Variants in WWOX observed in about 807,000 individuals in gnomAD.
The protein encoded by WWOX is WW domain-containing oxidoreductase.
A neutral mutation model predicts 46.2 loss-of-function variants in WWOX; 69 were observed. That is an observed-to-expected ratio of 1.49 (90% CI 1.23 to 1.82). The LOEUF (loss-of-function observed/expected upper bound fraction) is 1.82, where lower values mean the gene tolerates loss of function less well. Among genes scored for constraint, WWOX ranks in the 40% most tolerant of loss-of-function variants. WWOX has a pLI of 0.00. For synonymous variants in WWOX, 359 were observed against 202.6 expected (o/e 1.77, Z -6.56); for missense variants, 919 against 542.6 (o/e 1.69, Z -6.89).
At chr16:78,440,659 C>T (rs923223356) in intron 8 of WWOX, among the ~76,000 whole-genome samples, 2 of 151,032 alleles carry the variant, frequency 1.3e-5, no homozygotes, top group African/African-American at 2.5e-5. Flanking sequence ...CTCCGTTGCC[C>T]GGATTGGAGT....
chr16:78,756,531 A>G (rs954073752), intron 8 of WWOX, among the ~76,000 whole-genome samples: 5 of 152,178 alleles, frequency 3.3e-5, no homozygotes, highest in African/African-American at 1.2e-4. Context: ...AAACACGAGA[A>G]AAGTTGGAAG....
intron 8 of WWOX, among the ~76,000 whole-genome samples, chr16:78,633,507 G>A (rs376693947): frequency 4.6e-5 from 7 of 152,288 alleles, no homozygotes; most frequent in Middle Eastern, 3.4e-3. Context: ...GGTCCTGCCC[G>A]TGTTCTCTAG....
chr16:78,697,745 G>T (rs893764973), intron 8 of WWOX, among the ~76,000 whole-genome samples: 1 of 152,154 alleles, frequency 6.6e-6, no homozygotes, highest in Non-Finnish European at 1.5e-5. Context: ...AGTAGGTTAG[G>T]TGTGTTAAAT....
intron 8 of WWOX, among the ~76,000 whole-genome samples, chr16:79,037,920 C>T (rs1440728819): frequency 2.0e-5 from 3 of 152,088 alleles, no homozygotes; most frequent in Admixed American, 1.3e-4. Flanking sequence ...GCTTTCCATC[C>T]GAGAAAAGCA....
rs16948335 is a variant in WWOX at position 78,691,361 on chromosome 16, G to C, written c.1056+258609G>C. On this transcript the variant is annotated intron_variant, in intron 8 of 8. Coordinates refer to ENST00000566780, the MANE Select transcript of WWOX (RefSeq NM_016373.4). ...AACATAGCTTTATCTTATGACAAAG[G>C]TGACAGAAAGGAAATCTCCTAAGTT... The C allele has an allele frequency of 5.8e-6, 4 of 689,444 alleles. No homozygotes were observed. The Admixed American group carries it at 8.3e-5, about 14-fold the overall frequency. The allele number at this position is 689,444 out of a possible 1,614,324, so 42.7% of individuals were successfully genotyped here.
chr16:79,005,729 C>T (rs1051510500), intron 8 of WWOX, among the ~76,000 whole-genome samples: 1 of 152,192 alleles, frequency 6.6e-6, no homozygotes, highest in African/African-American at 2.4e-5. Context: ...GTAATCACAT[C>T]TTACCTAAGT....
chr16:78,381,158 C>T (rs1170211211), intron 5 of WWOX, among the ~76,000 whole-genome samples: 2 of 152,112 alleles, frequency 1.3e-5, no homozygotes, highest in African/African-American at 2.4e-5. Flanking sequence ...GTTTAAATAC[C>T]ACACACTCCC....
intron 8 of WWOX, among the ~76,000 whole-genome samples, chr16:78,633,896 GT>G (rs4035834): frequency 5.0e-3 from 679 of 134,578 alleles, no homozygotes; most frequent in African/African-American, 7.2e-3. Flanking sequence ...CATCTGAGGT[GT>G]TTTTTTTTTT....
chr16:78,949,994 A>G (rs749138845), intron 8 of WWOX, among the ~76,000 whole-genome samples: 5 of 152,352 alleles, frequency 3.3e-5, no homozygotes, highest in Admixed American at 1.3e-4. Flanking sequence ...CCCATTTGAC[A>G]GATGAGAGGA....
At chr16:78,108,628 T>C (rs2032303785) in intron 2 of WWOX, 141 bp downstream of exon 2, 1 of 910,882 alleles carries the variant, frequency 1.1e-6, no homozygotes, top group Non-Finnish European at 1.7e-6. Context: ...GAGGAGCTTA[T>C]GGGATTTGGC....
chr16:78,663,679 A>G (rs1234706514), intron 8 of WWOX, among the ~76,000 whole-genome samples: 1 of 152,222 alleles, frequency 6.6e-6, no homozygotes, highest in African/African-American at 2.4e-5. Flanking sequence ...CATGTCTGAC[A>G]TCATTTAAAT....
intron 5 of WWOX, among the ~76,000 whole-genome samples, chr16:78,215,605 C>T (rs182454948): frequency 4.6e-5 from 7 of 152,100 alleles, no homozygotes; most frequent in East Asian, 1.9e-4. Flanking sequence ...TACCCAGTCT[C>T]GGGTAGTATC....
intron 8 of WWOX, among the ~76,000 whole-genome samples, chr16:78,924,879 C>T (rs549384407): frequency 2.6e-5 from 4 of 152,106 alleles, no homozygotes; most frequent in East Asian, 3.9e-4. Flanking sequence ...ACACAGTGTG[C>T]TCTCAATGTT....
chr16:78,757,731 G>A (rs2049690447), intron 8 of WWOX, among the ~76,000 whole-genome samples: 1 of 151,034 alleles, frequency 6.6e-6, no homozygotes, highest in African/African-American at 2.4e-5. Flanking sequence ...ATTTATATAA[G>A]TAAATAAATT....
chr16:78,261,769 T>TAGATAG (rs1567464498), intron 5 of WWOX, among the ~76,000 whole-genome samples: 1 of 48,018 alleles, frequency 2.1e-5, no homozygotes, highest in African/African-American at 1.3e-4. Context: ...TCTATCTATC[T>TAGATAG]ATGTATCTAT....
chr16:78,547,127 GAAAAA>G (rs199726097), intron 8 of WWOX, among the ~76,000 whole-genome samples: 4 of 87,504 alleles, frequency 4.6e-5, no homozygotes, highest in African/African-American at 2.0e-4. Context: ...CCTTGTCTCA[GAAAAA>G]AAAAAAAAAA....
intron 8 of WWOX, among the ~76,000 whole-genome samples, chr16:78,810,399 A>G (rs1270455468): frequency 6.6e-6 from 1 of 152,216 alleles, no homozygotes; most frequent in African/African-American, 2.4e-5. Flanking sequence ...TTAACATTTG[A>G]GAATGACAGC....
In WWOX at chr16:79,012,281, A is replaced by G. The variant is rs149171328; in HGVS notation, c.1057-199327A>G. 1.4e-3 allele frequency among the ~76,000 whole-genome samples: 215 copies of G among 152,118 alleles called. 1 individual carries two copies. Among genetic ancestry groups the G allele is most frequent in the African/African-American group, 5.0e-3 (206 of 41,510 alleles). On this transcript the variant is annotated intron_variant, in intron 8 of 8. Coordinates refer to ENST00000566780, the MANE Select transcript of WWOX (RefSeq NM_016373.4). ...GGAGCCTCGCTCTGTCACCTAGGCT[A>G]GAGTGCAGTGGTGCAATCTCGACTC...
intron 8 of WWOX, among the ~76,000 whole-genome samples, chr16:78,632,541 C>G (rs1309601511): frequency 7.3e-6 from 1 of 136,818 alleles, no homozygotes; most frequent in Non-Finnish European, 1.5e-5. Flanking sequence ...ACTCTCTTCC[C>G]CCACTTACTT....
Sources: allele counts gnomAD v4.1 joint callset (sites outside exome capture counted in the v4.1 genomes callset), GRCh38; gene constraint gnomAD v4.1.1; transcripts MANE v1.5; gene names NCBI Gene and HGNC (gene_info 2026-07-23, HGNC 2026-07-21).